NGEF: variants seen among roughly 807,000 people sequenced by gnomAD.
NGEF encodes neuronal guanine nucleotide exchange factor.
A neutral mutation model predicts 80.9 loss-of-function variants in NGEF; 31 were observed. That is an observed-to-expected ratio of 0.38 (90% CI 0.29 to 0.52). The LOEUF (loss-of-function observed/expected upper bound fraction) is 0.52. Ranked by LOEUF, NGEF falls within the 20% of genes least tolerant of loss-of-function variation. The pLI is 0.84. For missense variants in NGEF, 709 were observed against 926.2 expected, an observed-to-expected ratio of 0.77 and a Z score of 3.04; for synonymous variants, 371 against 370.2, an observed-to-expected ratio of 1.00 and a Z score of -0.03.
At chr2:232,942,892 G>T (rs1693468493) in intron 3 of NGEF, among the ~76,000 whole-genome samples, 1 of 143,234 alleles carries the variant, frequency 7.0e-6, no homozygotes, top group Admixed American at 7.3e-5. Context: ...TACCAGCAGA[G>T]AAGTGAAATT....
chr2:232,943,828 T>C (rs942920727), intron 3 of NGEF, among the ~76,000 whole-genome samples: 1 of 151,968 alleles, frequency 6.6e-6, no homozygotes, highest in Non-Finnish European at 1.5e-5. Flanking sequence ...TTGAAATCTC[T>C]TGTGATTACC....
intron 4 of NGEF, among the ~76,000 whole-genome samples, chr2:232,920,975 G>A (rs778249034): frequency 3.9e-5 from 6 of 152,102 alleles, no homozygotes; most frequent in African/African-American, 7.2e-5. Context: ...AGCCCTCAAC[G>A]TTTCAATATT....
At chr2:232,956,334 A>G (rs184435873) in intron 3 of NGEF, among the ~76,000 whole-genome samples, 1 of 152,336 alleles carries the variant, frequency 6.6e-6, no homozygotes, top group East Asian at 1.9e-4. Context: ...GAGCCAGCCC[A>G]TAAGGTAAAC....
At chr2:232,995,572 A>ATGTATACTATATATATACAGTATGTATAC (rs1491045889) in intron 1 of NGEF, among the ~76,000 whole-genome samples, 2 of 1,122 alleles carry the variant, frequency 1.8e-3, no homozygotes, top group Admixed American at 0.019. Flanking sequence ...TGTATACTGT[A>ATGTATACTATATATATACAGTATGTATAC]TATATATATA....
chr2:232,985,089 G>C lies in NGEF; in HGVS notation c.-74-10125C>G, dbSNP rs148466416. ...TTTCTGGGGTCACAGAGCTTCAACAGCCAGGACTAGAATCTTCCCCCATCA... is the reference window on the plus strand; with the variant it reads ...TTTCTGGGGTCACAGAGCTTCAACACCCAGGACTAGAATCTTCCCCCATCA... On this transcript the variant is annotated intron_variant, in intron 1 of 14. Coordinates refer to ENST00000264051, the MANE Select transcript of NGEF (RefSeq NM_019850.3). 7.4e-4 allele frequency among the ~76,000 whole-genome samples: 113 copies of C among 152,318 alleles called. No individual in the cohort carries two copies. The East Asian group carries it at 0.02, about 27-fold the overall frequency.
At chr2:232,924,364 G>C (rs890404225) in intron 4 of NGEF, among the ~76,000 whole-genome samples, 1 of 152,176 alleles carries the variant, frequency 6.6e-6, no homozygotes, top group Non-Finnish European at 1.5e-5. Context: ...GCCCTCAGCA[G>C]ACGCTGAATC....
intron 1 of NGEF, among the ~76,000 whole-genome samples, chr2:232,998,075 T>C (rs1437917590): frequency 6.6e-6 from 1 of 152,028 alleles, no homozygotes; most frequent in Non-Finnish European, 1.5e-5. Flanking sequence ...GGCCAGAAGG[T>C]GGTGGTGGAG....
chr2:232,926,142 G>C (rs1412273086), intron 4 of NGEF, among the ~76,000 whole-genome samples: 1 of 152,206 alleles, frequency 6.6e-6, no homozygotes, highest in African/African-American at 2.4e-5. Context: ...TTTGGGACTG[G>C]AGGACAATAA....
intron 5 of NGEF, chr2:232,905,640 C>A (rs1382673431): frequency 2.0e-5 from 7 of 358,286 alleles, no homozygotes; most frequent in Non-Finnish European, 4.0e-5. Context: ...CGGCCGCCAT[C>A]CCACCTGGGA....
At chr2:232,925,772 C>G (rs11675082) in intron 4 of NGEF, among the ~76,000 whole-genome samples, 65,767 of 151,738 alleles carry the variant, frequency 0.43, 14,310 homozygotes, top group Admixed American at 0.46. Flanking sequence ...TGGAAGAAAG[C>G]GGTTGTCAGG....
chr2:232,950,105 C>T (rs1424440419), intron 3 of NGEF, among the ~76,000 whole-genome samples: 2 of 152,238 alleles, frequency 1.3e-5, no homozygotes, highest in Non-Finnish European at 2.9e-5. Context: ...AGCCACTGCA[C>T]CCAGCCAGAA....
chr2:232,995,094 T>C (rs1456508139), intron 1 of NGEF, among the ~76,000 whole-genome samples: 1 of 15,180 alleles, frequency 6.6e-5, no homozygotes, highest in Non-Finnish European at 1.2e-4. Flanking sequence ...ACAGTATGTA[T>C]ATGTGTACAG....
intron 5 of NGEF, among the ~76,000 whole-genome samples, chr2:232,896,527 G>A (rs1278217952): frequency 1.3e-5 from 2 of 148,560 alleles, no homozygotes; most frequent in Admixed American, 1.4e-4. Flanking sequence ...GTAAGGGTGA[G>A]GGTGGGGGTG....
At position 232,905,407 on chromosome 2, in the gene NGEF, A is replaced by C. The variant is rs1039875681; in HGVS notation, c.829-10491T>G. Among the ~76,000 whole-genome samples, 17 of 152,156 alleles carry C rather than the reference A, an allele frequency of 1.1e-4. No homozygotes were observed. In the East Asian group the frequency reaches 1.2e-3, roughly 10 times the overall value. On this transcript the variant is annotated intron_variant, in intron 5 of 14. Coordinates refer to ENST00000264051, the MANE Select transcript of NGEF (RefSeq NM_019850.3). ...ACGGAGTCTCGTTAACTCAGTGCTC[A>C]ATGGTGCCCAGGCTGGAGTGCAGTG...
chr2:232,972,315 T>C (rs1240402590), intron 2 of NGEF, among the ~76,000 whole-genome samples: 1 of 152,246 alleles, frequency 6.6e-6, no homozygotes, highest in East Asian at 1.9e-4. Flanking sequence ...ATATTTTTTA[T>C]GTTGATTATT....
At chr2:232,895,097 G>T (rs1212716122) in intron 5 of NGEF, among the ~76,000 whole-genome samples, 181 bp from the exon 6 acceptor site, 1 of 152,178 alleles carries the variant, frequency 6.6e-6, no homozygotes, top group Non-Finnish European at 1.5e-5. Context: ...GCCGGGAATG[G>T]TAGTGAGGCC....
At chr2:232,912,879 T>C (rs1692718828) in intron 5 of NGEF, among the ~76,000 whole-genome samples, 1 of 152,320 alleles carries the variant, frequency 6.6e-6, no homozygotes, top group South Asian at 2.1e-4. Flanking sequence ...ATATTGGTCA[T>C]TTATATCTTC....
At chr2:232,998,323 C>G (rs1435301081) in intron 1 of NGEF, among the ~76,000 whole-genome samples, 1 of 152,124 alleles carries the variant, frequency 6.6e-6, no homozygotes, top group Non-Finnish European at 1.5e-5. Context: ...AGGTGGGATT[C>G]AAACCAGGCT....
chr2:232,921,962 C>G (rs1167655709), intron 4 of NGEF, among the ~76,000 whole-genome samples: 1 of 152,170 alleles, frequency 6.6e-6, no homozygotes, highest in East Asian at 1.9e-4. Flanking sequence ...AGAGGCCCCA[C>G]TGGAGGAGAT....
Sources: allele counts gnomAD v4.1 joint callset (sites outside exome capture counted in the v4.1 genomes callset), GRCh38; gene constraint gnomAD v4.1.1; transcripts MANE v1.5; gene names NCBI Gene and HGNC (gene_info 2026-07-23, HGNC 2026-07-21).